PCDHA12: variants seen among roughly 807,000 people sequenced by gnomAD.
PCDHA12 encodes the protein protocadherin alpha-12.
PCDHA12 carries 44 observed loss-of-function variants against 60.0 expected under a neutral mutation model. The observed-to-expected ratio is 0.73, with a 90% CI of 0.58 to 0.94. PCDHA12 has a LOEUF of 0.94. Ranked by LOEUF, PCDHA12 falls within the 40% of genes least tolerant of loss-of-function variation. PCDHA12 has a pLI of 0.00. For missense variants in PCDHA12, 1,276 were observed against 1,239.7 expected (o/e 1.03, Z -0.44); for synonymous variants, 569 against 553.0 (o/e 1.03, Z -0.40).
intron 1 of PCDHA12, among the ~76,000 whole-genome samples, chr5:140,889,562 T>C (rs2062274153): frequency 6.6e-6 from 1 of 152,224 alleles, no homozygotes; most frequent in Non-Finnish European, 1.5e-5. Flanking sequence ...TTCAGAATTC[T>C]GCTTTCTGAT....
In PCDHA12 at chr5:140,888,611, G is replaced by C. The variant is rs1554183538; in HGVS notation, c.2367+10772G>C. Reference sequence around the variant, plus strand: ...CACATTCAGAGCAGCTTTTAGTGTAGCACTAATTCGGCCTTCTATTACAGC... The same window carrying C: ...CACATTCAGAGCAGCTTTTAGTGTACCACTAATTCGGCCTTCTATTACAGC... On this transcript the variant is annotated intron_variant, in intron 1 of 3. Transcript: ENST00000398631. Among the ~76,000 whole-genome samples the C allele has an allele frequency of 2.0e-5, 3 of 152,144 alleles. No homozygotes were observed. In the East Asian group the frequency reaches 5.8e-4, roughly 29 times the overall value.
At chr5:140,902,669 T>C (rs767769713) in intron 1 of PCDHA12, among the ~76,000 whole-genome samples, 1 of 152,166 alleles carries the variant, frequency 6.6e-6, no homozygotes, top group Non-Finnish European at 1.5e-5. Flanking sequence ...ACCCAAGCAG[T>C]GTACACCGTA....
At chr5:140,912,689 CA>C (rs781833135) in intron 1 of PCDHA12, among the ~76,000 whole-genome samples, 5 of 152,112 alleles carry the variant, frequency 3.3e-5, no homozygotes, top group African/African-American at 4.8e-5. Context: ...TTCCAGGTCT[CA>C]GGGGGAATGC....
intron 2 of PCDHA12, among the ~76,000 whole-genome samples, chr5:140,979,895 T>G (rs1460432451): frequency 6.6e-6 from 1 of 152,222 alleles, no homozygotes; most frequent in Non-Finnish European, 1.5e-5. Context: ...TTCACCAAAC[T>G]TAGATCAGTT....
Position 140,876,146 on chromosome 5 carries a change from C to T in PCDHA12, c.674C>T (p.Ser225Phe). ...IDGGKPELTG[S>F]VQIQITVLDV... ...GGCGGTAAACCAGAACTAACAGGGT[C>T]TGTCCAGATTCAAATAACCGTCCTG... Residue 225 changes from serine to phenylalanine, a missense_variant, in exon 1 of 4, where the codon TCT becomes TTT. Transcript: ENST00000398631. 1 of 1,613,952 alleles carries T rather than the reference C, an allele frequency of 6.2e-7. No individual in the cohort carries two copies. Among genetic ancestry groups the T allele is most frequent in the Non-Finnish European group, 8.5e-7 (1 of 1,179,904 alleles).
At position 140,877,649 on chromosome 5, in the gene PCDHA12, C is replaced by A. The variant is rs369703340; in HGVS notation, c.2177C>A (p.Pro726Gln). 6.2e-7 allele frequency: 1 copy of A among 1,613,438 alleles called. No individual in the cohort carries two copies. Among genetic ancestry groups the A allele is most frequent in the Non-Finnish European group, 8.5e-7 (1 of 1,179,794 alleles). The stretch of plus-strand genomic sequence containing the variant: ...TACACTGCGCTGCGTTGCTCAGCGC[C>A]GCCCACCGTGAGCCGGTGCGCGCCG... ...LLYTALRCSA[P>Q]PTVSRCAPGK... Residue 726 changes from proline (P) to glutamine (Q), a missense_variant, in exon 1 of 4, where the codon CCG becomes CAG. Coordinates refer to ENST00000398631, the MANE Select transcript of PCDHA12 (RefSeq NM_018903.4).
chr5:140,965,999 A>T (rs1300275113), intron 1 of PCDHA12, among the ~76,000 whole-genome samples: 1 of 152,140 alleles, frequency 6.6e-6, no homozygotes, highest in Non-Finnish European at 1.5e-5. Context: ...AGTACTTAAG[A>T]GTGTCCAGGG....
At chr5:140,967,207 T>G (rs376266648) in intron 1 of PCDHA12, 16 of 1,613,648 alleles carry the variant, frequency 9.9e-6, no homozygotes, top group Non-Finnish European at 1.1e-5. Flanking sequence ...ACTCACCGCG[T>G]TTCCCGCGGC....
intron 1 of PCDHA12, among the ~76,000 whole-genome samples, chr5:140,888,358 C>T (rs2061801167): frequency 6.6e-6 from 1 of 152,178 alleles, no homozygotes; most frequent in Non-Finnish European, 1.5e-5. Flanking sequence ...TTGCTACTGG[C>T]ATCTAATAAT....
chr5:140,905,991 G>C (rs1377300111), intron 1 of PCDHA12, among the ~76,000 whole-genome samples: 1 of 152,156 alleles, frequency 6.6e-6, no homozygotes, highest in Non-Finnish European at 1.5e-5. Flanking sequence ...AAAGATGTAG[G>C]CTGGGAGGCT....
intron 1 of PCDHA12, among the ~76,000 whole-genome samples, chr5:140,923,976 A>G (rs1257687753): frequency 6.6e-6 from 1 of 152,176 alleles, no homozygotes; most frequent in Non-Finnish European, 1.5e-5. Context: ...CACACATACT[A>G]TCCCTCTAGG....
chr5:140,982,014 C>A (rs546904836), intron 2 of PCDHA12, among the ~76,000 whole-genome samples: 1 of 152,152 alleles, frequency 6.6e-6, no homozygotes, highest in Admixed American at 6.5e-5. Context: ...AATTAGATAG[C>A]CAAATTGGAA....
At chr5:140,908,578 G>C (rs2074039304) in intron 1 of PCDHA12, among the ~76,000 whole-genome samples, 1 of 152,196 alleles carries the variant, frequency 6.6e-6, no homozygotes, top group South Asian at 2.1e-4. Flanking sequence ...CAAAAGGAGA[G>C]TAGTTAGCTG....
intron 1 of PCDHA12, among the ~76,000 whole-genome samples, chr5:140,961,205 T>A (rs1215243152): frequency 1.3e-5 from 2 of 152,172 alleles, no homozygotes; most frequent in African/African-American, 4.8e-5. Context: ...GAGGTTGGTA[T>A]TGATGAAGAA....
chr5:140,955,987 A>G (rs1185683030), intron 1 of PCDHA12, among the ~76,000 whole-genome samples: 3 of 152,198 alleles, frequency 2.0e-5, no homozygotes, highest in African/African-American at 7.2e-5. Flanking sequence ...CAATTTTTGC[A>G]CATTGATTTT....
In PCDHA12 at chr5:140,957,188, C is replaced by T. The variant is rs374236292; in HGVS notation, c.2368-21761C>T. On this transcript the variant is annotated intron_variant, in intron 1 of 3. Transcript: ENST00000398631. ...GTATATAAATTGGTTTATTGATGAC[C>T]GATTGGGAATATAAATAGGCACAAA... is the stretch of plus-strand genomic sequence containing the variant. 2.1e-3 allele frequency among the ~76,000 whole-genome samples: 315 copies of T among 151,992 alleles called. 3 individuals carry two copies. The highest frequency in any genetic ancestry group is 7.3e-3 in the African/African-American group (304 of 41,464).
chr5:140,968,657 G>T (rs782383428), intron 1 of PCDHA12: 16 of 1,614,142 alleles, frequency 9.9e-6, no homozygotes, highest in Non-Finnish European at 1.4e-5. Flanking sequence ...TTCTGACCTG[G>T]ACCTCTTTAA....
Position 141,010,123 on chromosome 5 carries a change from A to G in PCDHA12, c.*186A>G, listed in dbSNP as rs782357783. The G allele has an allele frequency of 3.7e-6, 6 of 1,605,822 alleles. No individual in the cohort carries two copies. In the East Asian group the frequency reaches 1.3e-4, roughly 36 times the overall value. On this transcript the variant is annotated 3_prime_UTR_variant, in exon 4 of 4. Transcript: ENST00000398631. ...AGGTTTTGTCGTAAAAGCTTTACTA[A>G]GTCTGGTGTTAACTCTTTCTCTCCA...
At chr5:140,991,754 G>A (rs1554252407) in intron 3 of PCDHA12, among the ~76,000 whole-genome samples, 2 of 152,034 alleles carry the variant, frequency 1.3e-5, no homozygotes, top group African/African-American at 4.8e-5. Context: ...TTTCTATCAT[G>A]CTCTTCAAAA....
Sources: allele counts gnomAD v4.1 joint callset (sites outside exome capture counted in the v4.1 genomes callset), GRCh38; gene constraint gnomAD v4.1.1; transcripts MANE v1.5; gene names NCBI Gene and HGNC (gene_info 2026-07-23, HGNC 2026-07-21).